The following CDH6 variants were observed in gnomAD, a reference collection of about 807,000 sequenced individuals.
CDH6 encodes cadherin-6.
CDH6 carries 31 observed loss-of-function variants against 78.0 expected under a neutral mutation model. The ratio of observed to expected loss-of-function variants is 0.40; its 90% confidence interval spans 0.30 to 0.54. The LOEUF (loss-of-function observed/expected upper bound fraction) is 0.54. CDH6 is among the 20% of genes least tolerant of loss of function. CDH6 has a pLI of 0.56. For synonymous variants in CDH6, 376 were observed against 368.8 expected, an observed-to-expected ratio of 1.02 and a Z score of -0.23; for missense variants, 724 against 975.9, an observed-to-expected ratio of 0.74 and a Z score of 3.44.
intron 2 of CDH6, among the ~76,000 whole-genome samples, chr5:31,276,583 T>C (rs1742700725): frequency 6.6e-6 from 1 of 152,140 alleles, no homozygotes; most frequent in African/African-American, 2.4e-5. Context: ...GGAATGGAGA[T>C]TGGAGTTAAG....
At chr5:31,234,490 A>T (rs1741398686) in intron 1 of CDH6, among the ~76,000 whole-genome samples, 1 of 152,194 alleles carries the variant, frequency 6.6e-6, no homozygotes, top group African/African-American at 2.4e-5. Flanking sequence ...GTTACTAATA[A>T]CTAGATGCCA....
At position 31,306,301 on chromosome 5, in the gene CDH6, C is replaced by T. The variant is rs73089388; in HGVS notation, c.1253+874C>T. Among the ~76,000 whole-genome samples, 1,513 of 152,278 alleles carry T rather than the reference C, an allele frequency of 9.9e-3. 31 individuals are homozygous for T. Among genetic ancestry groups the T allele is most frequent in the African/African-American group, 0.035 (1,438 of 41,568 alleles). Reference sequence around the variant, plus strand: ...TACAACAGAGTCCAAATGTATGCTACGTAAACTAATTCTGTTTTCCCTGTG... The same window carrying T: ...TACAACAGAGTCCAAATGTATGCTATGTAAACTAATTCTGTTTTCCCTGTG... On this transcript the variant is annotated intron_variant, in intron 7 of 11. Transcript: ENST00000265071.
chr5:31,321,830 T>A (rs1352433624), intron 11 of CDH6, among the ~76,000 whole-genome samples: 1 of 152,174 alleles, frequency 6.6e-6, no homozygotes, highest in East Asian at 1.9e-4. Flanking sequence ...ACAAACCCAG[T>A]TTAACAATTC....
intron 1 of CDH6, among the ~76,000 whole-genome samples, chr5:31,261,351 G>C (rs762443580): frequency 6.6e-6 from 1 of 152,102 alleles, no homozygotes; most frequent in Non-Finnish European, 1.5e-5. Context: ...GCAAGAAAAT[G>C]TACCAAAAAG....
intron 2 of CDH6, among the ~76,000 whole-genome samples, chr5:31,290,822 T>G (rs1378830205): frequency 6.6e-6 from 1 of 152,116 alleles, no homozygotes; most frequent in Non-Finnish European, 1.5e-5. Flanking sequence ...TGAAATTGCT[T>G]TACTATCAGA....
At chr5:31,224,921 C>A (rs1255203312) in intron 1 of CDH6, among the ~76,000 whole-genome samples, 1 of 152,152 alleles carries the variant, frequency 6.6e-6, no homozygotes, top group African/African-American at 2.4e-5. Flanking sequence ...TTCTGTATTG[C>A]TTAACTCATA....
chr5:31,280,626 C>T (rs1455807359), intron 2 of CDH6, among the ~76,000 whole-genome samples: 2 of 152,026 alleles, frequency 1.3e-5, no homozygotes, highest in African/African-American at 2.4e-5. Flanking sequence ...CAATGACATA[C>T]GTGGGAGGGA....
chr5:31,200,563 T>TAC (rs763146807), intron 1 of CDH6, among the ~76,000 whole-genome samples: 6 of 128,764 alleles, frequency 4.7e-5, no homozygotes, highest in African/African-American at 1.3e-4. Context: ...ATTTCACACA[T>TAC]ACATACACAC....
At chr5:31,297,197 C>T in intron 3 of CDH6, 92 bp from the exon 4 acceptor site, 1 of 1,089,684 alleles carries the variant, frequency 9.2e-7, no homozygotes, top group South Asian at 1.3e-5. Context: ...ATGATATTTC[C>T]ATACAAAATT....
At chr5:31,245,251 G>GAA (rs1201064162) in intron 1 of CDH6, among the ~76,000 whole-genome samples, 1 of 152,188 alleles carries the variant, frequency 6.6e-6, no homozygotes, top group East Asian at 1.9e-4. Context: ...ATGGACCCTG[G>GAA]AACAAGGAGA....
At position 31,267,376 on chromosome 5, in the gene CDH6, A is replaced by T; in HGVS notation, c.-98A>T. 1.2e-6 allele frequency: 1 copy of T among 813,360 alleles called. No individual in the cohort carries two copies. The highest frequency in any genetic ancestry group is 2.2e-5 in the Admixed American group (1 of 45,668). 50.4% of individuals were successfully genotyped at this position (813,360 alleles called of 1,614,324 possible). A position where few individuals can be genotyped will look rare whatever the true frequency, so the allele number is the denominator to read the frequency against. Reference sequence around the variant, plus strand: ...CTCTGAGAGCCAAGCAAAGAACATTAAGGAAGGAAGGAGGAATGAGGCTGG... The same window carrying T: ...CTCTGAGAGCCAAGCAAAGAACATTTAGGAAGGAAGGAGGAATGAGGCTGG... On this transcript the variant is annotated 5_prime_UTR_variant, in exon 2 of 12. Transcript: ENST00000265071.
chr5:31,204,107 G>A (rs1740447462), intron 1 of CDH6, among the ~76,000 whole-genome samples: 1 of 152,210 alleles, frequency 6.6e-6, no homozygotes, highest in Non-Finnish European at 1.5e-5. Flanking sequence ...AGATAAGAAT[G>A]CAGGAATGTC....
intron 1 of CDH6, among the ~76,000 whole-genome samples, chr5:31,218,039 G>A (rs1159885681): frequency 1.3e-5 from 2 of 151,942 alleles, no homozygotes; most frequent in Admixed American, 6.6e-5. Context: ...AGTCTATTAA[G>A]TTAATTTTAA....
At chr5:31,223,068 C>T (rs1404155217) in intron 1 of CDH6, among the ~76,000 whole-genome samples, 6 of 152,042 alleles carry the variant, frequency 3.9e-5, no homozygotes, top group Non-Finnish European at 4.4e-5. Context: ...TTTCAGCCAC[C>T]TCTTCACTCT....
intron 5 of CDH6, among the ~76,000 whole-genome samples, chr5:31,301,138 T>C (rs1168718934): frequency 6.6e-6 from 1 of 152,190 alleles, no homozygotes; most frequent in Non-Finnish European, 1.5e-5. Context: ...AATGCTCTTT[T>C]TGAGTTACGT....
In CDH6 at chr5:31,323,045, C is replaced by T; in HGVS notation, c.2110C>T (p.Pro704Ser). 6.2e-7 allele frequency: 1 copy of T among 1,614,136 alleles called. No individual in the cohort carries two copies. Among genetic ancestry groups the T allele is most frequent in the Middle Eastern group, 1.6e-4 (1 of 6,062 alleles). ...PEALFLPRRT[P>S]TARDNTDVRD... Reference sequence around the variant, plus strand: ...AGCCCTTTTCCTACCCCGACGGACTCCAACAGCTCGCGACAACACCGATGT... The same window carrying T: ...AGCCCTTTTCCTACCCCGACGGACTTCAACAGCTCGCGACAACACCGATGT... The change falls in exon 12 of 12, where the codon CCA (proline) becomes TCA (serine). Residue 704 changes from proline to serine, a missense_variant. This residue lies in a region of CDH6 where 220 missense variants were observed against 240.6 expected (regional missense o/e 0.91). Coordinates refer to ENST00000265071, the MANE Select transcript of CDH6 (RefSeq NM_004932.4).
At chr5:31,319,531 CCAAGT>C (rs1047160987) in intron 11 of CDH6, among the ~76,000 whole-genome samples, 17 of 152,174 alleles carry the variant, frequency 1.1e-4, no homozygotes, top group African/African-American at 4.1e-4. Context: ...AGTAATGTAG[CCAAGT>C]CACGTGTCTA....
At chr5:31,206,622 G>C (rs1264626263) in intron 1 of CDH6, among the ~76,000 whole-genome samples, 1 of 152,194 alleles carries the variant, frequency 6.6e-6, no homozygotes, top group African/African-American at 2.4e-5. Context: ...GTTCTGCAGA[G>C]AAAGCAGGTA....
intron 2 of CDH6, among the ~76,000 whole-genome samples, chr5:31,271,352 G>A (rs1742525057): frequency 6.6e-6 from 1 of 152,108 alleles, no homozygotes; most frequent in East Asian, 1.9e-4. Flanking sequence ...GACAAGAATA[G>A]ACAAGATGGT....
Sources: allele counts gnomAD v4.1 joint callset (sites outside exome capture counted in the v4.1 genomes callset), GRCh38; gene constraint gnomAD v4.1.1; regional missense constraint gnomAD v4.1.1; transcripts MANE v1.5; gene names NCBI Gene and HGNC (gene_info 2026-07-23, HGNC 2026-07-21).